KAT6B: variants seen among roughly 807,000 people sequenced by gnomAD.
KAT6B encodes histone acetyltransferase KAT6B.
KAT6B carries 10 observed loss-of-function variants against 187.5 expected under a neutral mutation model. That is an observed-to-expected ratio of 0.05 (90% CI 0.03 to 0.09). The LOEUF (loss-of-function observed/expected upper bound fraction) is 0.09. KAT6B is among the 10% of genes least tolerant of loss of function. The pLI, the probability that KAT6B is intolerant of heterozygous loss-of-function variation, is 1.00. For synonymous variants in KAT6B, 861 were observed against 926.8 expected (o/e 0.93, Z 1.29); for missense variants, 1,952 against 2,558.9 (o/e 0.76, Z 5.12).
At chr10:74,977,588 A>C (rs923423184) in intron 9 of KAT6B, 151 bp downstream of exon 9, 8 of 1,008,948 alleles carry the variant, frequency 7.9e-6, no homozygotes, top group African/African-American at 1.6e-5. Context: ...CTGACTGTAC[A>C]TTCAAAAGCA....
Position 74,975,994 on chromosome 10 carries a change from A to G in KAT6B, c.1657A>G (p.Thr553Ala). Residue 553 changes from threonine (T) to alanine (A), a missense_variant, in exon 8 of 18, where the codon ACT (threonine) becomes GCT (alanine). Thr to Ala is a moderately conservative substitution (Grantham distance 58). This residue lies in a region of KAT6B where 417 missense variants were observed against 508.9 expected (regional missense o/e 0.82). Coordinates refer to ENST00000287239, the MANE Select transcript of KAT6B (RefSeq NM_012330.4). ...TGATGGGCTTTCTCATATCTATACC[A>G]CTCAGGGACAGTCTCGCAAAAAGGG... The part of the protein sequence containing the change: ...LFDGLSHIYT[T>A]QGQSRKKGHP... 4 of 1,613,742 alleles carry G rather than the reference A, an allele frequency of 2.5e-6. No individual in the cohort carries two copies. The highest frequency in any genetic ancestry group is 3.4e-6 in the Non-Finnish European group (4 of 1,179,936).
intron 13 of KAT6B, among the ~76,000 whole-genome samples, chr10:74,998,995 A>G (rs1405132913): frequency 6.6e-6 from 1 of 152,252 alleles, no homozygotes; most frequent in Admixed American, 6.5e-5. Flanking sequence ...TTATATATGT[A>G]ATATGTTCTC....
intron 12 of KAT6B, among the ~76,000 whole-genome samples, chr10:74,987,292 T>G (rs570161490): frequency 3.0e-4 from 45 of 152,070 alleles, no homozygotes; most frequent in East Asian, 7.7e-4. Context: ...AAAAATTAGC[T>G]GGGCATTGTG....
chr10:74,851,168 C>T (rs914952277), intron 3 of KAT6B, among the ~76,000 whole-genome samples: 4 of 151,216 alleles, frequency 2.6e-5, no homozygotes, highest in African/African-American at 4.9e-5. Context: ...AGTGCAGTGG[C>T]GCAATCTCGG....
intron 3 of KAT6B, among the ~76,000 whole-genome samples, chr10:74,897,124 TTG>T (rs1428008699): frequency 6.6e-6 from 1 of 152,198 alleles, no homozygotes; most frequent in African/African-American, 2.4e-5. Context: ...ACAAATAGCT[TTG>T]TGTTTTATTA....
chr10:74,866,193 G>A lies in KAT6B; in HGVS notation c.621+22715G>A, dbSNP rs528653594. 4.6e-5 allele frequency among the ~76,000 whole-genome samples: 7 copies of A among 151,660 alleles called. No individual in the cohort carries two copies. In the South Asian group the frequency reaches 1.5e-3, roughly 32 times the overall value. On this transcript the variant is annotated intron_variant, in intron 3 of 17. Transcript: ENST00000287239. ...TTTGAATTTGGATTACATATTAAGG[G>A]AACTTAATGGCATTAATGTTATTGT...
chr10:74,898,106 G>T (rs1052749674), intron 3 of KAT6B, among the ~76,000 whole-genome samples: 1 of 152,056 alleles, frequency 6.6e-6, no homozygotes, highest in Admixed American at 6.5e-5. Flanking sequence ...CAGCAACAAA[G>T]TGTTTATTGT....
At position 74,977,457 on chromosome 10, in the gene KAT6B, T is replaced by A; in HGVS notation, c.2115+20T>A. 6.2e-7 allele frequency: 1 copy of A among 1,613,164 alleles called. No homozygotes were observed. The highest frequency in any genetic ancestry group is 8.5e-7 in the Non-Finnish European group (1 of 1,179,398). On this transcript the variant is annotated intron_variant, in intron 9 of 17. Coordinates refer to ENST00000287239, the MANE Select transcript of KAT6B (RefSeq NM_012330.4). Reference sequence around the variant, plus strand: ...TGGGAGGTAAGGCGAGGATCCCACATTGTAGTAGCAAGTATAAGATGTGGC... The same window carrying A: ...TGGGAGGTAAGGCGAGGATCCCACAATGTAGTAGCAAGTATAAGATGTGGC...
chr10:74,898,334 T>C (rs1258101264), intron 3 of KAT6B, among the ~76,000 whole-genome samples: 1 of 152,156 alleles, frequency 6.6e-6, no homozygotes, highest in East Asian at 1.9e-4. Context: ...TTGAGCTTTG[T>C]TTTCTCCTTA....
intron 3 of KAT6B, among the ~76,000 whole-genome samples, chr10:74,949,885 T>C (rs371835837): frequency 7.2e-5 from 11 of 152,338 alleles, no homozygotes; most frequent in African/African-American, 1.9e-4. Context: ...TTCCTTACTG[T>C]CACTTAAAAT....
chr10:74,925,412 C>A (rs1191597594), intron 3 of KAT6B, among the ~76,000 whole-genome samples: 1 of 148,390 alleles, frequency 6.7e-6, no homozygotes, highest in Non-Finnish European at 1.5e-5. Flanking sequence ...CCCCACCCCC[C>A]TTTTTCCCCC....
At chr10:74,990,193 T>C (rs1260368991) in intron 13 of KAT6B, among the ~76,000 whole-genome samples, 3 of 70,926 alleles carry the variant, frequency 4.2e-5, no homozygotes, top group African/African-American at 2.0e-4. Context: ...AGAGACTCTG[T>C]CTCAAAAAAA....
At chr10:75,001,228 CAG>C (rs1049833084) in intron 13 of KAT6B, among the ~76,000 whole-genome samples, 1 of 152,020 alleles carries the variant, frequency 6.6e-6, no homozygotes, top group African/African-American at 2.4e-5. Flanking sequence ...GGTTTAATGA[CAG>C]AGATTTCTTC....
Position 74,950,878 on chromosome 10 carries a change from C to T in KAT6B, c.622-9092C>T, listed in dbSNP as rs57915422. Among the ~76,000 whole-genome samples, 341 of 152,010 alleles carry T rather than the reference C, an allele frequency of 2.2e-3. 1 individual carries two copies. The highest frequency in any genetic ancestry group is 7.8e-3 in the African/African-American group (323 of 41,464). ...TCATTCCTGTAATTCCAGCACCAGC[C>T]GAGGCAGGTGGATCACTTGAGCCCA... On this transcript the variant is annotated intron_variant, in intron 3 of 17. Coordinates refer to ENST00000287239, the MANE Select transcript of KAT6B (RefSeq NM_012330.4).
intron 3 of KAT6B, among the ~76,000 whole-genome samples, chr10:74,942,470 A>G (rs558177803): frequency 6.6e-6 from 1 of 152,232 alleles, no homozygotes; most frequent in South Asian, 2.1e-4. Context: ...AGACATTTAT[A>G]AAAAGCCATA....
chr10:74,972,674 G>A, intron 7 of KAT6B, 35 bp downstream of exon 7: 1 of 1,588,068 alleles, frequency 6.3e-7, no homozygotes, highest in Non-Finnish European at 8.6e-7. Flanking sequence ...AATCATTTAT[G>A]TTTTGCTTTA....
chr10:74,880,953 T>C (rs1330130934), intron 3 of KAT6B, among the ~76,000 whole-genome samples: 1 of 148,118 alleles, frequency 6.8e-6, no homozygotes, highest in Non-Finnish European at 1.5e-5. Context: ...AGACGGACTC[T>C]CACTCTGTCT....
chr10:74,849,272 A>G (rs541203738), intron 3 of KAT6B, among the ~76,000 whole-genome samples: 127 of 147,450 alleles, frequency 8.6e-4, no homozygotes, highest in African/African-American at 3.1e-3. Context: ...GTGAGCTACT[A>G]TGCCCCATGC....
chr10:74,959,719 G>A (rs945446263), intron 3 of KAT6B, among the ~76,000 whole-genome samples: 2 of 152,216 alleles, frequency 1.3e-5, no homozygotes, highest in Admixed American at 6.5e-5. Context: ...GAACCCGGGA[G>A]GTGGAGGTTG....
Sources: allele counts gnomAD v4.1 joint callset (sites outside exome capture counted in the v4.1 genomes callset), GRCh38; gene constraint gnomAD v4.1.1; regional missense constraint gnomAD v4.1.1; transcripts MANE v1.5; gene names NCBI Gene and HGNC (gene_info 2026-07-23, HGNC 2026-07-21).